The following MMP19 variants were observed in gnomAD, a reference collection of about 807,000 sequenced individuals.
The protein encoded by MMP19 is matrix metallopeptidase 19.
In MMP19, 47 loss-of-function variants were observed where a neutral mutation model predicts 46.6. The ratio of observed to expected loss-of-function variants is 1.01; its 90% confidence interval spans 0.80 to 1.29. The LOEUF is 1.29. Among genes scored for constraint, MMP19 ranks in the 50% most tolerant of loss-of-function variants. The pLI is 0.00. For missense variants in MMP19, 589 were observed against 643.5 expected (o/e 0.92, Z 0.92); for synonymous variants, 222 against 248.5 (o/e 0.89, Z 1.00).
rs1881280080 is a variant in MMP19, at chr12:55,837,151, T to C, written c.1412A>G (p.His471Arg). 1.1e-5 allele frequency: 17 copies of C among 1,614,172 alleles called. No homozygotes were observed. Among genetic ancestry groups the C allele is most frequent in the Non-Finnish European group, 1.4e-5 (17 of 1,180,032 alleles). Residue 471 changes from histidine to arginine, a missense_variant, in exon 9 of 9, where the codon CAC becomes CGC. Transcript: ENST00000322569. ...AGTGTCTATAGTCCGGGGACGACAGTGCATCCAGTTGTGGGAAATATTTCT... is the reference window on the plus strand; with the variant it reads ...AGTGTCTATAGTCCGGGGACGACAGCGCATCCAGTTGTGGGAAATATTTCT... ...YPRNISHNWM[H>R]CRPRTIDTTP...
chr12:55,842,067 A>T (rs1881737647), intron 2 of MMP19, among the ~76,000 whole-genome samples: 1 of 152,236 alleles, frequency 6.6e-6, no homozygotes, highest in Non-Finnish European at 1.5e-5. Flanking sequence ...TTTACATATC[A>T]TTACACTTTA....
intron 6 of MMP19, chr12:55,838,240 T>G: frequency 1.6e-6 from 1 of 619,750 alleles, no homozygotes. Context: ...GCCCTGCAGA[T>G]AGCTATTCCT....
intron 5 of MMP19, 58 bp from the exon 6 acceptor site, chr12:55,838,792 C>T: frequency 4.9e-6 from 7 of 1,425,804 alleles, no homozygotes; most frequent in East Asian, 2.3e-5. Context: ...TCCTCCACAC[C>T]AGTCTCCTGT....
Position 55,841,332 on chromosome 12 carries a change from C to T in MMP19, c.174-96G>A, listed in dbSNP as rs1355240646. On this transcript the variant is annotated intron_variant, in intron 2 of 8. Coordinates refer to ENST00000322569, the MANE Select transcript of MMP19 (RefSeq NM_002429.6). ...GACTTCCTGCTGCCCAAGTTCATGGCCAAGAATAGCACAGAATCCCTGAAG... is the reference window on the plus strand; with the variant it reads ...GACTTCCTGCTGCCCAAGTTCATGGTCAAGAATAGCACAGAATCCCTGAAG... 2.9e-6 allele frequency: 4 copies of T among 1,388,598 alleles called. No individual in the cohort carries two copies. The East Asian group carries it at 9.3e-5, about 32-fold the overall frequency. 86.0% of individuals were successfully genotyped at this position (1,388,598 alleles called of 1,614,324 possible). A position where few individuals can be genotyped will look rare whatever the true frequency, so the allele number is the denominator to read the frequency against.
intron 2 of MMP19, chr12:55,841,496 C>G (rs1349265286): frequency 2.5e-6 from 1 of 402,726 alleles, no homozygotes; most frequent in African/African-American, 2.0e-5. Context: ...TGTAGCCTTC[C>G]TCCTCTACTG....
chr12:55,840,033 G>C (rs893916253), intron 4 of MMP19: 1 of 360,726 alleles, frequency 2.8e-6, no homozygotes, highest in Admixed American at 4.3e-5. Context: ...GGGAGAAAAA[G>C]AAGCATAGGC....
chr12:55,838,550 A>G (rs1333985311), intron 6 of MMP19, 56 bp downstream of exon 6: 7 of 1,613,574 alleles, frequency 4.3e-6, no homozygotes, highest in Non-Finnish European at 5.9e-6. Flanking sequence ...TCCAGGCCTC[A>G]GGATCAGCAG....
intron 6 of MMP19, 34 bp downstream of exon 6, chr12:55,838,572 C>G (rs769713187): frequency 1.9e-6 from 3 of 1,614,096 alleles, no homozygotes; most frequent in Middle Eastern, 1.6e-4. Flanking sequence ...CTGCCCCCAC[C>G]GCCTGCCAAC....
rs998664945 is a variant in MMP19, at chr12:55,836,866, T to C, written c.*170A>G. ...AAGTGGTGGCTGGAGTTGGAAGTGT[T>C]AGAGGCCTGAGATCTACGGTCTTGC... On this transcript the variant is annotated 3_prime_UTR_variant, in exon 9 of 9. Transcript: ENST00000322569. The C allele has an allele frequency of 2.4e-5, 14 of 586,194 alleles. No homozygotes were observed. The African/African-American group carries it at 2.6e-4, about 11-fold the overall frequency. 36.3% of individuals were successfully genotyped at this position (586,194 alleles called of 1,614,324 possible). A position where few individuals can be genotyped will look rare whatever the true frequency, so the allele number is the denominator to read the frequency against.
At chr12:55,840,645 G>A in intron 4 of MMP19, 22 bp downstream of exon 4, 1 of 1,604,794 alleles carries the variant, frequency 6.2e-7, no homozygotes, top group Non-Finnish European at 8.5e-7. Context: ...CTATGAGGTG[G>A]GAACTGAGAA....
intron 4 of MMP19, 114 bp from the exon 5 acceptor site, chr12:55,839,855 T>G: frequency 7.4e-7 from 1 of 1,346,622 alleles, no homozygotes; most frequent in Non-Finnish European, 1.0e-6. Flanking sequence ...CCAGCTATGT[T>G]CACTGTCTCT....
At chr12:55,839,799 C>A in intron 4 of MMP19, 58 bp from the exon 5 acceptor site, 2 of 1,543,492 alleles carry the variant, frequency 1.3e-6, no homozygotes, top group African/African-American at 1.4e-5. Flanking sequence ...CTAGAGCACA[C>A]CCTGCCTATT....
rs780174995 is a variant in MMP19 at position 55,838,746 on chromosome 12, A to G, written c.767-12T>C. ...TGGACTCTTCTTGCCTATAAGGTAAAGTAATGCTGCTTAGGGAGAGAACTC... is the reference window on the plus strand; with the variant it reads ...TGGACTCTTCTTGCCTATAAGGTAAGGTAATGCTGCTTAGGGAGAGAACTC... On this transcript the variant is annotated splice_polypyrimidine_tract_variant and intron_variant, in intron 5 of 8. Coordinates refer to ENST00000322569, the MANE Select transcript of MMP19 (RefSeq NM_002429.6). The G allele has an allele frequency of 6.4e-7, 1 of 1,563,970 alleles. No individual in the cohort carries two copies. Among genetic ancestry groups the G allele is most frequent in the Non-Finnish European group, 8.7e-7 (1 of 1,152,284 alleles).
rs976106799 is a variant in MMP19, at chr12:55,842,679, A to G, written c.87+65T>C. 1.3e-5 allele frequency: 17 copies of G among 1,349,930 alleles called. No individual in the cohort carries two copies. The South Asian group carries it at 1.6e-4, about 13-fold the overall frequency. 83.6% of individuals were successfully genotyped at this position (1,349,930 alleles called of 1,614,324 possible). ...GCTGAAGGTCAGGAGGGAGGCTTCG[A>G]TGGGGCTGTGGAGCAGTAACCCCTG... is the stretch of plus-strand genomic sequence containing the variant. On this transcript the variant is annotated intron_variant, in intron 1 of 8. Coordinates refer to ENST00000322569, the MANE Select transcript of MMP19 (RefSeq NM_002429.6).
Position 55,836,967 on chromosome 12 carries a change from G to T in MMP19, c.*69C>A. On this transcript the variant is annotated 3_prime_UTR_variant, in exon 9 of 9. Coordinates refer to ENST00000322569, the MANE Select transcript of MMP19 (RefSeq NM_002429.6). ...AGCTATTAGGCCTTAGGCTTCTGGGGGGGAAATGAAAGGGTGGGTGGTGGA... is the reference window on the plus strand; with the variant it reads ...AGCTATTAGGCCTTAGGCTTCTGGGTGGGAAATGAAAGGGTGGGTGGTGGA... The T allele has an allele frequency of 1.5e-6, 2 of 1,378,634 alleles. No homozygotes were observed. The highest frequency in any genetic ancestry group is 1.4e-5 in the South Asian group (1 of 72,218). 85.4% of individuals were successfully genotyped at this position (1,378,634 alleles called of 1,614,324 possible). A position where few individuals can be genotyped will look rare whatever the true frequency, so the allele number is the denominator to read the frequency against.
rs754011623 is a variant in MMP19 at position 55,837,389 on chromosome 12, G to A, written c.1189-15C>T. ...TACCCGGAGCCCTGGATATGGGATG[G>A]GTGGGGAGAGGGGAGAGGAAGAGGA... On this transcript the variant is annotated splice_polypyrimidine_tract_variant and intron_variant, in intron 8 of 8. Transcript: ENST00000322569. 6.3e-7 allele frequency: 1 copy of A among 1,590,264 alleles called. No individual in the cohort carries two copies. The highest frequency in any genetic ancestry group is 1.1e-5 in the South Asian group (1 of 88,226).
Position 55,839,636 on chromosome 12 carries a change from A to G in MMP19, c.626T>C (p.Ile209Thr), listed in dbSNP as rs150560211. 28 of 1,614,118 alleles carry G rather than the reference A, an allele frequency of 1.7e-5. No homozygotes were observed. The highest frequency in any genetic ancestry group is 1.5e-4 in the Admixed American group (9 of 60,012). Residue 209 changes from isoleucine to threonine, a missense_variant, in exon 5 of 9, where the codon ATT becomes ACT. By Grantham distance (89) the Ile-to-Thr change is moderately conservative. Transcript: ENST00000322569. Reference sequence around the variant, plus strand: ...AGCATGGCCCACTTCATGGGCTGCAATGATGCGCAGGTTCACCCCACGGTA... The same window carrying G: ...AGCATGGCCCACTTCATGGGCTGCAGTGATGCGCAGGTTCACCCCACGGTA... ...GTYRGVNLRI[I>T]AAHEVGHALG...
At chr12:55,837,716 T>C (rs1228250539) in intron 7 of MMP19, 34 bp from the exon 8 acceptor site, 2 of 1,613,330 alleles carry the variant, frequency 1.2e-6, no homozygotes, top group Admixed American at 1.7e-5. Flanking sequence ...AAGTCACCTC[T>C]GTCCTCAGGT....
rs748005229 is a variant in MMP19, at chr12:55,840,820, G to A, written c.367C>T (p.His123Tyr). 6.2e-7 allele frequency: 1 copy of A among 1,609,580 alleles called. No homozygotes were observed. ...TGACGCAGGGCTGCCCGGGCTGTGTGGGGTGGAAGGGTGGAGGGCAGGTTC... is the reference window on the plus strand; with the variant it reads ...TGACGCAGGGCTGCCCGGGCTGTGTAGGGTGGAAGGGTGGAGGGCAGGTTC... ...ILNLPSTLPPHTARAALRQAF... is the reference protein window; with the variant it reads ...ILNLPSTLPPYTARAALRQAF... Residue 123 changes from histidine (H) to tyrosine (Y), a missense_variant, in exon 4 of 9, where the codon CAC (histidine) becomes TAC (tyrosine). Coordinates refer to ENST00000322569, the MANE Select transcript of MMP19 (RefSeq NM_002429.6).
Sources: gnomAD v4.1 joint callset for allele counts (sites outside exome capture counted in the v4.1 genomes callset) on GRCh38, gnomAD v4.1.1 for gene constraint, MANE v1.5 for transcripts, NCBI Gene and HGNC (gene_info 2026-07-23, HGNC 2026-07-21) for gene names.